PCDH15: variants seen among roughly 807,000 people sequenced by gnomAD.
PCDH15 encodes the protein protocadherin related 15, also known as protocadherin-15.
Under a neutral mutation model 178.5 loss-of-function variants are expected in PCDH15, and 129 were observed. That is an observed-to-expected ratio of 0.72 (90% CI 0.63 to 0.84). PCDH15 has a LOEUF of 0.84. Ranked by LOEUF, PCDH15 falls within the 40% of genes least tolerant of loss-of-function variation. The probability of loss-of-function intolerance (pLI) is 0.00; values close to 1 mark genes in which losing one functional copy is unlikely to be tolerated. For synonymous variants in PCDH15, 800 were observed against 732.0 expected (o/e 1.09, Z -1.50); for missense variants, 2,230 against 2,099.9 (o/e 1.06, Z -1.21).
chr10:53,951,980 G>A (rs2087106408), intron 23 of PCDH15, among the ~76,000 whole-genome samples: 1 of 152,216 alleles, frequency 6.6e-6, no homozygotes, highest in Non-Finnish European at 1.5e-5. Flanking sequence ...CTGGTGCACT[G>A]CAAGCAGATT....
At chr10:54,283,271 C>T (rs57677980) in intron 8 of PCDH15, among the ~76,000 whole-genome samples, 3,027 of 152,148 alleles carry the variant, frequency 0.02, 104 homozygotes, top group African/African-American at 0.07. Context: ...CTTATTTCAC[C>T]TTCAACTTCT....
intron 3 of PCDH15, among the ~76,000 whole-genome samples, chr10:54,829,951 A>G (rs1250637256): frequency 1.3e-5 from 2 of 152,096 alleles, no homozygotes; most frequent in Admixed American, 1.3e-4. Context: ...ATCTATTTGC[A>G]AGGATATCTT....
At chr10:55,159,380 TATATATATAC>T (rs1470493382) in intron 2 of PCDH15, among the ~76,000 whole-genome samples, 64 of 143,676 alleles carry the variant, frequency 4.5e-4, no homozygotes, top group Non-Finnish European at 6.7e-4. Flanking sequence ...TATATATATA[TATATATATAC>T]ACACATACAC....
intron 15 of PCDH15, among the ~76,000 whole-genome samples, chr10:54,093,710 A>G (rs1049372586): frequency 4.6e-5 from 7 of 152,126 alleles, no homozygotes; most frequent in African/African-American, 1.4e-4. Flanking sequence ...TCTCATTTAA[A>G]CCTAATAGTA....
chr10:55,009,014 C>A (rs1483585459), intron 2 of PCDH15, among the ~76,000 whole-genome samples: 1 of 152,112 alleles, frequency 6.6e-6, no homozygotes, highest in Admixed American at 6.6e-5. Flanking sequence ...ACAATAAAGA[C>A]CTCCAGATGT....
chr10:54,013,891 G>T (rs936659237), intron 20 of PCDH15, among the ~76,000 whole-genome samples: 1 of 151,596 alleles, frequency 6.6e-6, no homozygotes, highest in Non-Finnish European at 1.5e-5. Flanking sequence ...CAGAAGACAA[G>T]AAATAACCAA....
At chr10:54,219,324 C>T (rs2052499259) in intron 9 of PCDH15, among the ~76,000 whole-genome samples, 1 of 145,118 alleles carries the variant, frequency 6.9e-6, no homozygotes. Context: ...GGCGTGGTGG[C>T]TCATGCCTGT....
At chr10:55,440,607 A>G (rs1839160668) in intron 2 of PCDH15, among the ~76,000 whole-genome samples, 2 of 152,168 alleles carry the variant, frequency 1.3e-5, no homozygotes, top group Admixed American at 1.3e-4. Context: ...CCAAACTAAT[A>G]AGGGGAAATA....
chr10:55,346,717 T>A (rs1326092213), intron 2 of PCDH15, among the ~76,000 whole-genome samples: 1 of 150,406 alleles, frequency 6.6e-6, no homozygotes, highest in Non-Finnish European at 1.5e-5. Context: ...TGCTCTACAA[T>A]GAGAGGTTAA....
intron 3 of PCDH15, among the ~76,000 whole-genome samples, chr10:54,521,699 A>G (rs1321997111): frequency 6.6e-6 from 1 of 152,174 alleles, no homozygotes; most frequent in East Asian, 1.9e-4. Flanking sequence ...GACTGTAATA[A>G]TCCTCTACTT....
intron 7 of PCDH15, among the ~76,000 whole-genome samples, chr10:54,326,715 T>C (rs940079392): frequency 1.3e-5 from 2 of 152,086 alleles, no homozygotes; most frequent in African/African-American, 2.4e-5. Context: ...CTCTTGAACA[T>C]CATGAGGGTA....
At chr10:53,965,060 ATTTT>A (rs60097108) in intron 21 of PCDH15, among the ~76,000 whole-genome samples, 1 of 144,694 alleles carries the variant, frequency 6.9e-6, no homozygotes. Flanking sequence ...TAGTACCTAC[ATTTT>A]TTTTTTTTTT....
At position 53,808,804 on chromosome 10, in the gene PCDH15, C is replaced by G. The variant is rs751089750; in HGVS notation, c.4672-1674G>C. On this transcript the variant is annotated intron_variant, in intron 37 of 37. Transcript: ENST00000644397. ...ATAGCCCCATGGACCTCCAGACTGA[C>G]TTTCGCTACTACTGCTACTACTACC... 3.1e-6 allele frequency: 5 copies of G among 1,611,684 alleles called. No homozygotes were observed. The highest frequency in any genetic ancestry group is 4.2e-6 in the Non-Finnish European group (5 of 1,179,112).
At chr10:54,563,216 G>T (rs563579197) in intron 2 of PCDH15, among the ~76,000 whole-genome samples, 2 of 152,010 alleles carry the variant, frequency 1.3e-5, no homozygotes, top group Non-Finnish European at 2.9e-5. Context: ...CTATATTATT[G>T]CCCAGGTTTT....
intron 1 of PCDH15, among the ~76,000 whole-genome samples, chr10:54,740,232 T>C (rs995399013): frequency 6.6e-5 from 10 of 151,978 alleles, no homozygotes; most frequent in African/African-American, 2.4e-4. Flanking sequence ...AAGATCTTAA[T>C]AGATATTTTT....
At chr10:55,230,856 C>A (rs1177810075) in intron 1 of PCDH15, among the ~76,000 whole-genome samples, 1 of 151,872 alleles carries the variant, frequency 6.6e-6, no homozygotes, top group East Asian at 1.9e-4. Context: ...CATATTATTA[C>A]AAAGTGGCAG....
chr10:53,997,321 G>T (rs1231850839), intron 20 of PCDH15, among the ~76,000 whole-genome samples: 1 of 151,992 alleles, frequency 6.6e-6, no homozygotes, highest in East Asian at 1.9e-4. Flanking sequence ...TCCATGCAGG[G>T]AGTAAATATA....
intron 1 of PCDH15, among the ~76,000 whole-genome samples, chr10:54,778,719 T>G (rs7908926): frequency 0.043 from 6,560 of 152,212 alleles, 488 homozygotes; most frequent in African/African-American, 0.15. Flanking sequence ...CTTTAAATAT[T>G]TATCTACTCT....
intron 1 of PCDH15, among the ~76,000 whole-genome samples, chr10:55,287,067 G>A (rs1588881298): frequency 2.0e-5 from 3 of 151,772 alleles, no homozygotes; most frequent in Admixed American, 6.6e-5. Flanking sequence ...CAGACACACA[G>A]TGCTAATTAA....
Sources: gnomAD v4.1 joint callset for allele counts (sites outside exome capture counted in the v4.1 genomes callset) on GRCh38, gnomAD v4.1.1 for gene constraint, MANE v1.5 for transcripts, NCBI Gene and HGNC (gene_info 2026-07-23, HGNC 2026-07-21) for gene names.